Variants in PDE1C observed in about 807,000 individuals in gnomAD.
PDE1C encodes dual specificity calcium/calmodulin-dependent 3',5'-cyclic nucleotide phosphodiesterase 1C.
A neutral mutation model predicts 93.1 loss-of-function variants in PDE1C; 62 were observed. The ratio of observed to expected loss-of-function variants is 0.67; its 90% CI spans 0.54 to 0.82. PDE1C has a LOEUF of 0.82. Ranked by LOEUF, PDE1C falls within the 40% of genes least tolerant of loss-of-function variation. The pLI, the probability that PDE1C is intolerant of heterozygous loss-of-function variation, is 0.00. For synonymous variants in PDE1C, 325 were observed against 310.1 expected, an observed-to-expected ratio of 1.05 and a Z score of -0.50; for missense variants, 742 against 884.6, an observed-to-expected ratio of 0.84 and a Z score of 2.04.
the PDE1C span, chr7:31,687,385 G>A: frequency 1.3e-5 from 2 of 152,300 alleles, no homozygotes; most frequent in Non-Finnish European, 2.9e-5. Context: ...GGACAAAGAA[G>A]GCTGTAGCTG....
intron 2 of PDE1C, among the ~76,000 whole-genome samples, chr7:31,959,469 C>T (rs966994864): frequency 6.6e-6 from 1 of 152,174 alleles, no homozygotes; most frequent in Admixed American, 6.5e-5. Flanking sequence ...CCTCTTCGGG[C>T]TCCCAAAGTG....
Position 31,873,309 on chromosome 7 carries a change from G to C in PDE1C, c.592C>G (p.Leu198Val), listed in dbSNP as rs776652116. Reference protein sequence around the residue: ...IFYELLTRYDLISRFKIPISA... With the variant: ...IFYELLTRYDVISRFKIPISA... ...GTACTGACCTTGAAACGGCTGATCA[G>C]ATCATAACGTGTGAGTAGTTCATAG... Residue 198 changes from leucine (L) to valine (V), a missense_variant, in exon 6 of 18, where the codon CTG becomes GTG. By Grantham distance (32) the Leu-to-Val change is conservative. Coordinates refer to ENST00000396191, the MANE Select transcript of PDE1C (RefSeq NM_001191057.4). 5.0e-6 allele frequency: 8 copies of C among 1,608,952 alleles called. No individual in the cohort carries two copies. The highest frequency in any genetic ancestry group is 5.1e-6 in the Non-Finnish European group (6 of 1,175,438).
At chr7:32,046,692 T>G (rs1011162505) in intron 2 of PDE1C, among the ~76,000 whole-genome samples, 3 of 152,168 alleles carry the variant, frequency 2.0e-5, no homozygotes, top group Non-Finnish European at 4.4e-5. Flanking sequence ...ATCAAAAACA[T>G]GAGGGACACC....
chr7:32,366,684 A>C (rs1331619817), intron 1 of PDE1C, among the ~76,000 whole-genome samples: 1 of 152,154 alleles, frequency 6.6e-6, no homozygotes, highest in African/African-American at 2.4e-5. Flanking sequence ...GTGTCAAGTC[A>C]TGTATAAGGG....
intron 2 of PDE1C, among the ~76,000 whole-genome samples, chr7:31,884,376 C>G (rs140641327): frequency 6.6e-6 from 1 of 152,144 alleles, no homozygotes; most frequent in Non-Finnish European, 1.5e-5. Flanking sequence ...CCATAGATCT[C>G]TGAAACAAAG....
rs545461134 is a variant in PDE1C, at chr7:32,370,172, G to A, written c.310+57650C>T. 6.7e-4 allele frequency among the ~76,000 whole-genome samples: 102 copies of A among 152,202 alleles called. 4 individuals are homozygous for A. In the South Asian group the frequency reaches 0.02, roughly 29 times the overall value. On this transcript the variant is annotated intron_variant, in intron 1 of 1. Coordinates refer to the PDE1C transcript ENST00000672256. Reference sequence around the variant, plus strand: ...GCCATAAAAAACGATGAGTTCTGCCGGGCGCAGTGGCTCACGCCTGTAATC... The same window carrying A: ...GCCATAAAAAACGATGAGTTCTGCCAGGCGCAGTGGCTCACGCCTGTAATC...
chr7:32,012,365 A>C (rs1025290881), intron 2 of PDE1C, among the ~76,000 whole-genome samples: 10 of 152,170 alleles, frequency 6.6e-5, no homozygotes, highest in African/African-American at 2.2e-4. Flanking sequence ...ATGTGAACTC[A>C]CTGAGTGAGA....
intron 1 of PDE1C, among the ~76,000 whole-genome samples, chr7:32,390,393 T>TG (rs1184798026): frequency 6.6e-6 from 1 of 152,054 alleles, no homozygotes; most frequent in Non-Finnish European, 1.5e-5. Flanking sequence ...TGTCACAACC[T>TG]GGGGGCGCTA....
chr7:31,749,654 C>T (rs1367025043), downstream of PDE1C, among the ~76,000 whole-genome samples: 1 of 151,542 alleles, frequency 6.6e-6, no homozygotes, highest in Non-Finnish European at 1.5e-5. Context: ...AAGATGCAGA[C>T]AAATCGGTGC....
At chr7:31,670,261 A>G in the PDE1C span, among the ~76,000 whole-genome samples, 4 of 152,186 alleles carry the variant, frequency 2.6e-5, no homozygotes, top group Non-Finnish European at 5.9e-5. Context: ...AAGTCCTCCA[A>G]TGAGCATGTC....
chr7:32,004,384 C>A (rs926912929), intron 2 of PDE1C, among the ~76,000 whole-genome samples: 1 of 152,114 alleles, frequency 6.6e-6, no homozygotes, highest in Non-Finnish European at 1.5e-5. Flanking sequence ...ACCAAGGGGT[C>A]CATAGATGGA....
chr7:31,702,870 TG>T, the PDE1C span, among the ~76,000 whole-genome samples: 1 of 152,196 alleles, frequency 6.6e-6, no homozygotes, highest in Non-Finnish European at 1.5e-5. Flanking sequence ...TGTTCGTGCT[TG>T]TATCTGTTTT....
chr7:32,328,461 A>G (rs1270791924), intron 1 of PDE1C, among the ~76,000 whole-genome samples: 2 of 152,242 alleles, frequency 1.3e-5, no homozygotes, highest in Admixed American at 6.5e-5. Flanking sequence ...AAGTCCCTGC[A>G]TGATCTGCCT....
At chr7:31,796,539 C>T (rs879753478) in intron 16 of PDE1C, among the ~76,000 whole-genome samples, 1 of 151,688 alleles carries the variant, frequency 6.6e-6, no homozygotes, top group Admixed American at 6.6e-5. Context: ...ACCAAAAGCG[C>T]TAACTGTTCT....
At chr7:31,728,847 A>G in the PDE1C span, among the ~76,000 whole-genome samples, 1 of 152,234 alleles carries the variant, frequency 6.6e-6, no homozygotes, top group Non-Finnish European at 1.5e-5. Flanking sequence ...GAAAGAGAGT[A>G]TGGAAAGAAG....
chr7:32,024,401 G>A (rs1043952823), intron 2 of PDE1C, among the ~76,000 whole-genome samples: 1 of 147,972 alleles, frequency 6.8e-6, no homozygotes, highest in Non-Finnish European at 1.5e-5. Flanking sequence ...ATATACATAT[G>A]TGTGTGTGTG....
At chr7:31,767,813 G>A (rs535002389) in intron 17 of PDE1C, among the ~76,000 whole-genome samples, 7 of 152,240 alleles carry the variant, frequency 4.6e-5, no homozygotes, top group East Asian at 1.9e-4. Flanking sequence ...CTGACTTCTT[G>A]TTGTGCCCTC....
chr7:31,793,400 C>G (rs1584109458), intron 16 of PDE1C, among the ~76,000 whole-genome samples: 1 of 151,920 alleles, frequency 6.6e-6, no homozygotes, highest in South Asian at 2.1e-4. Context: ...GTTTTTACAG[C>G]CTGATTCAAC....
chr7:31,850,601 A>T, intron 8 of PDE1C, 40 bp downstream of exon 8: 1 of 1,296,400 alleles, frequency 7.7e-7, no homozygotes, highest in Non-Finnish European at 1.1e-6. Flanking sequence ...TGTCTCTCTG[A>T]CCCCTCTTGC....
Sources: allele counts gnomAD v4.1 joint callset (sites outside exome capture counted in the v4.1 genomes callset), GRCh38; gene constraint gnomAD v4.1.1; transcripts MANE v1.5; gene names NCBI Gene and HGNC (gene_info 2026-07-23, HGNC 2026-07-21).